RALYL: variants seen among roughly 807,000 people sequenced by gnomAD.
The protein encoded by RALYL is RALY RNA binding protein like, also known as RNA-binding Raly-like protein.
In RALYL, 29 loss-of-function variants were observed where a neutral mutation model predicts 35.1. The observed-to-expected ratio is 0.83, with a 90% confidence interval of 0.61 to 1.13. The LOEUF (loss-of-function observed/expected upper bound fraction) is 1.13, where lower values mean the gene tolerates loss of function less well. Ranked by LOEUF, RALYL falls within the 50% of genes most tolerant of loss-of-function variation. RALYL has a pLI of 0.00. For synonymous variants in RALYL, 120 were observed against 127.6 expected (o/e 0.94, Z 0.40); for missense variants, 359 against 360.4 (o/e 1.00, Z 0.03).
intron 1 of RALYL, among the ~76,000 whole-genome samples, chr8:84,345,066 T>C (rs866831724): frequency 9.9e-5 from 15 of 151,872 alleles, no homozygotes; most frequent in Admixed American, 3.9e-4. Context: ...CTGGATCATA[T>C]GATAATTCTA....
chr8:84,389,200 A>G (rs1022914319), intron 1 of RALYL, among the ~76,000 whole-genome samples: 1 of 152,028 alleles, frequency 6.6e-6, no homozygotes, highest in African/African-American at 2.4e-5. Context: ...CCATTGATCT[A>G]TATCTCTGTT....
At chr8:84,505,694 G>A (rs1421411746) in intron 1 of RALYL, among the ~76,000 whole-genome samples, 4 of 151,578 alleles carry the variant, frequency 2.6e-5, no homozygotes, top group Non-Finnish European at 5.9e-5. Flanking sequence ...GGTAGTTTTC[G>A]ATGATTTAAT....
At chr8:84,819,611 T>G (rs1828066630) in intron 4 of RALYL, among the ~76,000 whole-genome samples, 2 of 152,264 alleles carry the variant, frequency 1.3e-5, no homozygotes, top group East Asian at 1.9e-4. Context: ...TCTCCCTCAG[T>G]CTTTTACAAT....
intron 1 of RALYL, among the ~76,000 whole-genome samples, chr8:84,443,717 G>A (rs1256123929): frequency 6.6e-6 from 1 of 151,996 alleles, no homozygotes; most frequent in Non-Finnish European, 1.5e-5. Context: ...TTATTTTTGG[G>A]GTACAGTATC....
At chr8:84,352,393 G>A (rs1851068387) in intron 1 of RALYL, among the ~76,000 whole-genome samples, 1 of 150,390 alleles carries the variant, frequency 6.6e-6, no homozygotes, top group African/African-American at 2.5e-5. Context: ...ACAAATCCTT[G>A]AAAATCCCAA....
intron 4 of RALYL, among the ~76,000 whole-genome samples, chr8:84,816,003 C>T (rs937661172): frequency 2.0e-4 from 29 of 141,986 alleles, no homozygotes; most frequent in African/African-American, 7.7e-4. Context: ...CACTGCACTC[C>T]AGCCTGGCAA....
At chr8:84,427,529 C>T (rs922330819) in intron 1 of RALYL, among the ~76,000 whole-genome samples, 4 of 152,130 alleles carry the variant, frequency 2.6e-5, no homozygotes, top group Non-Finnish European at 5.9e-5. Flanking sequence ...TGATATCAAA[C>T]ATATGTATGC....
intron 4 of RALYL, among the ~76,000 whole-genome samples, chr8:84,817,491 C>A (rs1827604241): frequency 6.6e-6 from 1 of 151,312 alleles, no homozygotes; most frequent in South Asian, 2.1e-4. Flanking sequence ...GTTTAACTTT[C>A]CTGAGTCTCC....
intron 1 of RALYL, among the ~76,000 whole-genome samples, chr8:84,343,340 C>T (rs1586459592): frequency 6.6e-6 from 1 of 152,066 alleles, no homozygotes; most frequent in African/African-American, 2.4e-5. Flanking sequence ...GATACATCCT[C>T]CTTGCACTTT....
chr8:84,260,329 T>C (rs1832018052), intron 1 of RALYL, among the ~76,000 whole-genome samples: 1 of 152,192 alleles, frequency 6.6e-6, no homozygotes, highest in African/African-American at 2.4e-5. Context: ...GTGTATTTAT[T>C]GTTCCTGTCC....
intron 2 of RALYL, among the ~76,000 whole-genome samples, chr8:84,642,468 C>T (rs1448112633): frequency 6.6e-6 from 1 of 151,778 alleles, no homozygotes; most frequent in African/African-American, 2.4e-5. Context: ...AGTCTTAGCA[C>T]CAGCAGCTTA....
rs73294910 is a variant in RALYL at position 84,340,567 on chromosome 8, G to A, written c.-24+156143G>A. 4.0e-3 allele frequency among the ~76,000 whole-genome samples: 614 copies of A among 152,058 alleles called. 6 individuals carry two copies. Among genetic ancestry groups the A allele is most frequent in the African/African-American group, 0.014 (584 of 41,510 alleles). On this transcript the variant is annotated intron_variant, in intron 1 of 8. Coordinates refer to ENST00000521268, the MANE Select transcript of RALYL (RefSeq NM_173848.7). ...TTCTGTTACTGACTTATTTTACTTG[G>A]CATAATGTCCTCCAGGTTCATCCAT...
intron 2 of RALYL, among the ~76,000 whole-genome samples, chr8:84,732,207 A>G (rs1315459646): frequency 6.6e-6 from 1 of 152,150 alleles, no homozygotes; most frequent in African/African-American, 2.4e-5. Flanking sequence ...CATGAGGAAG[A>G]TATCACGATT....
At chr8:84,838,537 G>A (rs545248040) in intron 4 of RALYL, among the ~76,000 whole-genome samples, 3 of 152,284 alleles carry the variant, frequency 2.0e-5, no homozygotes, top group African/African-American at 7.2e-5. Flanking sequence ...GTCTTGACAT[G>A]ATTACCAAGA....
At chr8:84,620,667 A>G (rs10097373) in intron 2 of RALYL, among the ~76,000 whole-genome samples, 42,824 of 150,788 alleles carry the variant, frequency 0.28, 6,542 homozygotes, top group African/African-American at 0.42. Context: ...GAGGAGAGGC[A>G]CTCTGCTTTT....
chr8:84,921,449 C>T lies in RALYL; in HGVS notation c.*538C>T, dbSNP rs1236597282. Reference sequence around the variant, plus strand: ...TTATATTTCTGCCCTGTATAAGCACCCTTTTTATTAATAAAGAATGCAGAT... The same window carrying T: ...TTATATTTCTGCCCTGTATAAGCACTCTTTTTATTAATAAAGAATGCAGAT... On this transcript the variant is annotated 3_prime_UTR_variant, in exon 9 of 9. Coordinates refer to ENST00000521268, the MANE Select transcript of RALYL (RefSeq NM_173848.7). 6.6e-6 allele frequency: 1 copy of T among 151,788 alleles called. No individual in the cohort carries two copies. Among genetic ancestry groups the T allele is most frequent in the African/African-American group, 2.4e-5 (1 of 41,316 alleles). The allele number at this position is 151,788 out of a possible 1,614,324, so 9.4% of individuals were successfully genotyped here. A position where few individuals can be genotyped will look rare whatever the true frequency, so the allele number is the denominator to read the frequency against.
At chr8:84,833,995 G>A (rs1831454701) in intron 4 of RALYL, among the ~76,000 whole-genome samples, 1 of 151,924 alleles carries the variant, frequency 6.6e-6, no homozygotes, top group Non-Finnish European at 1.5e-5. Flanking sequence ...TTAAAAGCTA[G>A]TCTCCACCAT....
At chr8:84,881,421 T>A (rs1333377770) in intron 7 of RALYL, among the ~76,000 whole-genome samples, 2 of 151,994 alleles carry the variant, frequency 1.3e-5, no homozygotes, top group Non-Finnish European at 2.9e-5. Context: ...ATCTGCTAAG[T>A]ACAATTCAGC....
At chr8:84,428,077 G>GTCTCTCTCTCTC (rs71271988) in intron 1 of RALYL, among the ~76,000 whole-genome samples, 4 of 129,320 alleles carry the variant, frequency 3.1e-5, no homozygotes, top group African/African-American at 1.1e-4. Context: ...CTTGCTCGCT[G>GTCTCTCTCTCTC]TCTCTCTCTC....
Sources: allele counts gnomAD v4.1 joint callset (sites outside exome capture counted in the v4.1 genomes callset), GRCh38; gene constraint gnomAD v4.1.1; transcripts MANE v1.5; gene names NCBI Gene and HGNC (gene_info 2026-07-23, HGNC 2026-07-21).